Variants in TENM1 observed in about 807,000 individuals in gnomAD.
TENM1 encodes teneurin-1.
A neutral mutation model predicts 174.8 loss-of-function variants in TENM1; 35 were observed. The observed-to-expected ratio is 0.20, with a 90% CI of 0.15 to 0.27. The LOEUF (loss-of-function observed/expected upper bound fraction) is 0.27. Among genes scored for constraint, TENM1 ranks in the 10% least tolerant of loss-of-function variants. TENM1 has a pLI of 1.00. For missense variants in TENM1, 1,633 were observed against 2,130.1 expected, an observed-to-expected ratio of 0.77 and a Z score of 4.59; for synonymous variants, 781 against 798.7, an observed-to-expected ratio of 0.98 and a Z score of 0.37.
At chrX:125,044,169 ATAAT>A in the TENM1 span, among the ~76,000 whole-genome samples, 1 of 78,989 alleles carries the variant, frequency 1.3e-5, no homozygotes, top group African/African-American at 6.1e-5. Flanking sequence ...TATAATAATA[ATAAT>A]AAAAAAAGGA....
chrX:124,747,765 A>T (rs932572965), intron 3 of TENM1, among the ~76,000 whole-genome samples: 3 of 110,413 alleles, frequency 2.7e-5, no homozygotes, highest in Non-Finnish European at 3.8e-5. Context: ...ATGAATGCAC[A>T]GACGCTCCTT....
In TENM1 at chrX:124,524,954, T is replaced by C. The variant is rs189749044; in HGVS notation, c.2772-1329A>G. The stretch of plus-strand genomic sequence containing the variant: ...ATGTTACTTAATATTCAAGGCAACT[T>C]AAATCCACAGGAGAGAGATGTAAGC... On this transcript the variant is annotated intron_variant, in intron 16 of 31. Coordinates refer to ENST00000422452, the Ensembl canonical transcript of TENM1. Among the ~76,000 whole-genome samples the C allele has an allele frequency of 2.4e-3, 266 of 112,168 alleles. 2 individuals carry two copies. The highest frequency in any genetic ancestry group is 8.2e-3 in the African/African-American group (255 of 30,964).
At chrX:124,615,290 T>C (rs1191063102) in intron 11 of TENM1, among the ~76,000 whole-genome samples, 1 of 111,863 alleles carries the variant, frequency 8.9e-6, no homozygotes, top group African/African-American at 3.3e-5. Context: ...TCAAACACAT[T>C]TATTGACACT....
At chrX:125,124,075 T>C in the TENM1 span, among the ~76,000 whole-genome samples, 6 of 112,346 alleles carry the variant, frequency 5.3e-5, no homozygotes, top group African/African-American at 1.9e-4. Flanking sequence ...ACTGTTGTTC[T>C]GAAGTTGCCA....
At chrX:124,569,988 A>T (rs967474550) in intron 11 of TENM1, among the ~76,000 whole-genome samples, 1 of 111,742 alleles carries the variant, frequency 8.9e-6, no homozygotes, top group Non-Finnish European at 1.9e-5. Context: ...ACTGATCAAG[A>T]TGAAAATACA....
At chrX:125,193,216 T>A in the TENM1 span, among the ~76,000 whole-genome samples, 1 of 112,105 alleles carries the variant, frequency 8.9e-6, no homozygotes, top group African/African-American at 3.2e-5. Context: ...CTTTTTACTC[T>A]ATACAGTCAA....
At chrX:124,772,776 C>A (rs1377205232) in intron 3 of TENM1, among the ~76,000 whole-genome samples, 2 of 111,018 alleles carry the variant, frequency 1.8e-5, no homozygotes, top group African/African-American at 6.6e-5. Context: ...AAAAAATGAA[C>A]CTTTTCTTAT....
intron 6 of TENM1, among the ~76,000 whole-genome samples, chrX:124,665,589 G>C (rs1226692736): frequency 8.9e-6 from 1 of 112,112 alleles, no homozygotes; most frequent in Non-Finnish European, 1.9e-5. Flanking sequence ...CTCTTTCCAG[G>C]AGTATATCCC....
At chrX:124,429,228 G>A (rs1328757837) in intron 23 of TENM1, among the ~76,000 whole-genome samples, 1 of 111,672 alleles carries the variant, frequency 9.0e-6, no homozygotes, top group Non-Finnish European at 1.9e-5. Context: ...CAACCTAAAG[G>A]TTTCTCTCTT....
the TENM1 span, among the ~76,000 whole-genome samples, chrX:125,122,810 T>C: frequency 1.1e-4 from 11 of 101,140 alleles, no homozygotes; most frequent in Non-Finnish European, 1.0e-4. Flanking sequence ...AACTTATTTT[T>C]CTCTATATTC....
At chrX:124,909,110 C>T (rs1296651830) in intron 1 of TENM1, among the ~76,000 whole-genome samples, 1 of 112,208 alleles carries the variant, frequency 8.9e-6, no homozygotes, top group East Asian at 2.8e-4. Flanking sequence ...ATGCCCGCCT[C>T]GGCCTCCCAA....
the TENM1 span, among the ~76,000 whole-genome samples, chrX:125,121,073 TC>T: frequency 8.9e-6 from 1 of 111,796 alleles, no homozygotes; most frequent in African/African-American, 3.3e-5. Context: ...TTTAGCAATA[TC>T]AAGAGGAGAC....
At chrX:125,106,411 C>CT in the TENM1 span, among the ~76,000 whole-genome samples, 6,701 of 98,333 alleles carry the variant, frequency 0.068, 198 homozygotes, top group Middle Eastern at 0.14. Context: ...TTTTGAATAA[C>CT]TTTTTTTTTT....
intron 22 of TENM1, among the ~76,000 whole-genome samples, chrX:124,453,734 C>T (rs529695853): frequency 1.8e-5 from 2 of 111,204 alleles, no homozygotes; most frequent in East Asian, 5.6e-4. Flanking sequence ...ATAATTTTGT[C>T]CAGTTTTACA....
At chrX:124,649,449 T>C (rs1036665909) in intron 8 of TENM1, among the ~76,000 whole-genome samples, 2 of 112,590 alleles carry the variant, frequency 1.8e-5, no homozygotes, top group Non-Finnish European at 3.8e-5. Flanking sequence ...TTATTTAATC[T>C]TTTCAAGCCT....
At chrX:125,115,613 A>C in the TENM1 span, among the ~76,000 whole-genome samples, 7 of 111,488 alleles carry the variant, frequency 6.3e-5, no homozygotes, top group African/African-American at 2.3e-4. Flanking sequence ...CAGAGAGCCA[A>C]ATCTTGAGTG....
chrX:124,741,039 T>A (rs2053787916), intron 3 of TENM1, among the ~76,000 whole-genome samples: 2 of 111,674 alleles, frequency 1.8e-5, no homozygotes, highest in Admixed American at 9.5e-5. Flanking sequence ...CATAATATAC[T>A]TGGATAGTAG....
chrX:124,802,213 T>G (rs2055473143), intron 3 of TENM1, among the ~76,000 whole-genome samples: 1 of 111,940 alleles, frequency 8.9e-6, no homozygotes, highest in African/African-American at 3.2e-5. Context: ...TTTCAACTTT[T>G]TTTTGTTGTT....
chrX:125,142,999 A>G, the TENM1 span, among the ~76,000 whole-genome samples: 1 of 112,343 alleles, frequency 8.9e-6, no homozygotes, highest in Non-Finnish European at 1.9e-5. Context: ...CAATTCAAGT[A>G]TGAACCATCA....
Sources: allele counts gnomAD v4.1 joint callset (sites outside exome capture counted in the v4.1 genomes callset), GRCh38; gene constraint gnomAD v4.1.1; transcripts MANE v1.5; gene names NCBI Gene and HGNC (gene_info 2026-07-23, HGNC 2026-07-21).